The following CNOT1 variants were observed in gnomAD, a reference collection of about 807,000 sequenced individuals.
CNOT1 encodes CCR4-NOT transcription complex subunit 1.
CNOT1 carries 15 observed loss-of-function variants against 273.8 expected under a neutral mutation model. The ratio of observed to expected loss-of-function variants is 0.05; its 90% confidence interval spans 0.04 to 0.08. The LOEUF (loss-of-function observed/expected upper bound fraction) is 0.08. Among genes scored for constraint, CNOT1 ranks in the 10% least tolerant of loss-of-function variants. CNOT1 has a pLI of 1.00. For synonymous variants in CNOT1, 1,022 were observed against 1,005.5 expected (o/e 1.02, Z -0.31); for missense variants, 1,644 against 2,912.2 (o/e 0.56, Z 10.02).
At chr16:58,628,071 A>G (rs568913590) in intron 1 of CNOT1, among the ~76,000 whole-genome samples, 26 of 152,168 alleles carry the variant, frequency 1.7e-4, no homozygotes, top group Non-Finnish European at 2.9e-4. Context: ...CTGGTGATTC[A>G]CCTACCTTGG....
chr16:58,597,258 G>A (rs972604651), intron 2 of CNOT1, among the ~76,000 whole-genome samples: 1 of 152,042 alleles, frequency 6.6e-6, no homozygotes, highest in Non-Finnish European at 1.5e-5. Context: ...CACATGGCCT[G>A]AGGTCAGGAG....
intron 16 of CNOT1, among the ~76,000 whole-genome samples, chr16:58,573,518 T>C (rs2041355822): frequency 6.9e-6 from 1 of 144,592 alleles, no homozygotes; most frequent in Admixed American, 7.0e-5. Context: ...TCTCGCTCTG[T>C]CGCCCAGGCT....
At chr16:58,559,860 C>T (rs1386558258) in intron 17 of CNOT1, 5 of 544,122 alleles carry the variant, frequency 9.2e-6, no homozygotes, top group Admixed American at 5.8e-5. Flanking sequence ...TATAACAAGT[C>T]GTTATGCTCT....
rs1256035739 is a variant in CNOT1, at chr16:58,614,177, C to T, written c.-174-14666G>A. Among the ~76,000 whole-genome samples the T allele has an allele frequency of 2.4e-5, 3 of 122,770 alleles. 1 individual carries two copies. Among genetic ancestry groups the T allele is most frequent in the African/African-American group, 8.3e-5 (3 of 36,292 alleles). The allele number at this position is 122,770 out of a possible 152,430, so 80.5% of individuals were successfully genotyped here. On this transcript the variant is annotated intron_variant, in intron 1 of 48. Transcript: ENST00000317147. Reference sequence around the variant, plus strand: ...TTTGCATATTCCAAGACTCTCTATGCAAAATCCCAACCTATGGAAGCCATT... The same window carrying T: ...TTTGCATATTCCAAGACTCTCTATGTAAAATCCCAACCTATGGAAGCCATT...
intron 11 of CNOT1, 130 bp downstream of exon 11, chr16:58,581,215 C>T: frequency 1.9e-6 from 2 of 1,052,152 alleles, no homozygotes; most frequent in Non-Finnish European, 2.7e-6. Context: ...TATGGACAGT[C>T]CTTGCTTTTC....
rs749260064 is a variant in CNOT1 at position 58,521,333 on chromosome 16, A to C, written c.6918-16T>G. The C allele has an allele frequency of 1.2e-4, 196 of 1,593,902 alleles. No individual in the cohort carries two copies. Among genetic ancestry groups the C allele is most frequent in the Non-Finnish European group, 1.5e-4 (175 of 1,174,518 alleles). The stretch of plus-strand genomic sequence containing the variant: ...CAAGAGAACTCTGGAAAAAGGGAGA[A>C]AGAGCTAGTTAATGTATAGAAGCAT... On this transcript the variant is annotated splice_polypyrimidine_tract_variant and intron_variant, in intron 47 of 48. Transcript: ENST00000317147.
Position 58,585,505 on chromosome 16 carries a change from A to T in CNOT1, c.639T>A (p.Asp213Glu). 5.0e-6 allele frequency: 8 copies of T among 1,610,910 alleles called. No homozygotes were observed. The highest frequency in any genetic ancestry group is 5.9e-6 in the Non-Finnish European group (7 of 1,179,462). The change falls in exon 8 of 49, where the codon GAT becomes GAA. Residue 213 changes from aspartate to glutamate, a missense_variant and splice_region_variant. Transcript: ENST00000317147. ...IDAFLKTLRR[D>E]FPQERCPVVL... ...CCACGGGACAGCGTTCTTGGGGAAA[A>T]TCTGAGAGAGGAAAAAGGTTACAAC...
intron 16 of CNOT1, among the ~76,000 whole-genome samples, chr16:58,563,717 A>AT (rs1430463040): frequency 6.6e-6 from 1 of 152,240 alleles, no homozygotes; most frequent in African/African-American, 2.4e-5. Flanking sequence ...TCTCACCATA[A>AT]TAACAGGCAC....
At chr16:58,592,313 T>C (rs2042090557) in intron 2 of CNOT1, among the ~76,000 whole-genome samples, 1 of 152,192 alleles carries the variant, frequency 6.6e-6, no homozygotes, top group Admixed American at 6.5e-5. Context: ...CATAAAATGT[T>C]TGTCTTTAAT....
At chr16:58,543,411 G>T in intron 31 of CNOT1, 196 bp downstream of exon 31, 1 of 1,055,092 alleles carries the variant, frequency 9.5e-7, no homozygotes, top group East Asian at 3.2e-5. Flanking sequence ...GAATATAACA[G>T]AAAAAAAAAA....
At chr16:58,557,600 A>C (rs1293890023) in intron 18 of CNOT1, among the ~76,000 whole-genome samples, 1 of 151,446 alleles carries the variant, frequency 6.6e-6, no homozygotes, top group African/African-American at 2.4e-5. Context: ...CAAGGGGCTA[A>C]GAAGATGTAG....
At chr16:58,558,292 A>T (rs1173970532) in intron 18 of CNOT1, among the ~76,000 whole-genome samples, 181 bp downstream of exon 18, 2 of 152,182 alleles carry the variant, frequency 1.3e-5, no homozygotes, top group Non-Finnish European at 2.9e-5. Flanking sequence ...TCTTTCCTCC[A>T]ATTAGACTGA....
Position 58,558,627 on chromosome 16 carries a change from A to T in CNOT1, c.2178T>A (p.Ala726=). 3.1e-6 allele frequency: 5 copies of T among 1,613,610 alleles called. No homozygotes were observed. The highest frequency in any genetic ancestry group is 4.2e-6 in the Non-Finnish European group (5 of 1,179,812). Residue 726 remains alanine (A), a synonymous_variant, in exon 18 of 49, where the codon GCT becomes GCA. Coordinates refer to ENST00000317147, the MANE Select transcript of CNOT1 (RefSeq NM_016284.5). ...CCTGCATACTCTGGGTGTGAGGGGC[A>T]GCTGAACCACCTATACTAAGAGATG... is the stretch of plus-strand genomic sequence containing the variant. The part of the protein sequence containing the change: ...GMTSLSIGGS[A]APHTQSMQGF...
chr16:58,545,719 C>G (rs143252020), intron 29 of CNOT1, among the ~76,000 whole-genome samples: 35 of 152,276 alleles, frequency 2.3e-4, no homozygotes, highest in African/African-American at 8.4e-4. Flanking sequence ...TGCCCCACAG[C>G]ACAGAAATCA....
chr16:58,572,015 G>A (rs1399993541), intron 16 of CNOT1, among the ~76,000 whole-genome samples: 1 of 152,052 alleles, frequency 6.6e-6, no homozygotes, highest in Non-Finnish European at 1.5e-5. Flanking sequence ...TGGGCGTGGT[G>A]GTTCACACCT....
chr16:58,614,709 T>C (rs1165396549), intron 1 of CNOT1, among the ~76,000 whole-genome samples: 1 of 125,010 alleles, frequency 8.0e-6, no homozygotes, highest in African/African-American at 2.7e-5. Flanking sequence ...AAACACTTTT[T>C]ATTGTATTTT....
intron 40 of CNOT1, 154 bp from the exon 41 acceptor site, chr16:58,532,549 G>T: frequency 7.4e-7 from 1 of 1,348,484 alleles, no homozygotes; most frequent in Non-Finnish European, 9.7e-7. Flanking sequence ...CAGCCGATAG[G>T]GTCATAAATT....
At chr16:58,599,657 T>C in intron 1 of CNOT1, 146 bp from the exon 2 acceptor site, 1 of 434,876 alleles carries the variant, frequency 2.3e-6, no homozygotes, top group Non-Finnish European at 4.1e-6. Context: ...TAAACTACCA[T>C]CGTCTCTGTG....
Position 58,599,323 on chromosome 16 carries a change from C to T in CNOT1, c.15G>A (p.Ser5=), listed in dbSNP as rs1001124137. The T allele has an allele frequency of 8.1e-6, 13 of 1,614,128 alleles. No homozygotes were observed. The highest frequency in any genetic ancestry group is 5.5e-5 in the South Asian group (5 of 91,076). MNLD[S]LSLALSQISY... Reference sequence around the variant, plus strand: ...TGATTTGAGACAAGGCCAGCGAGAGCGAGTCAAGATTCATTGCTGGTTGGG... The same window carrying T: ...TGATTTGAGACAAGGCCAGCGAGAGTGAGTCAAGATTCATTGCTGGTTGGG... Residue 5 remains serine, a synonymous_variant, in exon 2 of 49, where the codon TCG becomes TCA. Transcript: ENST00000317147.
Sources: allele counts gnomAD v4.1 joint callset (sites outside exome capture counted in the v4.1 genomes callset), GRCh38; gene constraint gnomAD v4.1.1; transcripts MANE v1.5; gene names NCBI Gene and HGNC (gene_info 2026-07-23, HGNC 2026-07-21).